AKAP19: variants seen among roughly 807,000 people sequenced by gnomAD.
AKAP19 encodes A-kinase anchoring protein 19, also known as small A-kinase anchoring protein.
the AKAP19 span, among the ~76,000 whole-genome samples, chr2:189,982,108 G>A: frequency 1.3e-5 from 2 of 151,946 alleles, no homozygotes; most frequent in African/African-American, 4.8e-5. Context: ...TTTTGAAGTT[G>A]TTTTCTAGCT....
chr2:189,923,369 C>T, the AKAP19 span: 7 of 1,612,498 alleles, frequency 4.3e-6, no homozygotes, highest in African/African-American at 1.3e-5. Context: ...GACAGATCCT[C>T]GTTCCATGAA....
the AKAP19 span, chr2:190,060,024 A>C: frequency 5.0e-6 from 8 of 1,588,100 alleles, no homozygotes; most frequent in African/African-American, 9.4e-5. Context: ...GAATAAAAAC[A>C]TAAGGTTATT....
At chr2:190,166,535 T>C in the AKAP19 span, among the ~76,000 whole-genome samples, 1 of 151,934 alleles carries the variant, frequency 6.6e-6, no homozygotes, top group African/African-American at 2.4e-5. Context: ...AGAAAATACA[T>C]GTGCAAACCA....
the AKAP19 span, among the ~76,000 whole-genome samples, chr2:190,131,747 A>C: frequency 6.6e-6 from 1 of 152,198 alleles, no homozygotes; most frequent in African/African-American, 2.4e-5. Context: ...GTGGGATAGT[A>C]TCAGAATTAA....
the AKAP19 span, among the ~76,000 whole-genome samples, chr2:189,929,044 G>A: frequency 3.0e-4 from 45 of 152,230 alleles, no homozygotes; most frequent in African/African-American, 1.0e-3. Context: ...TTAAATGGAA[G>A]AAAAAATGGA....
At chr2:190,175,622 A>G in the AKAP19 span, among the ~76,000 whole-genome samples, 1 of 152,186 alleles carries the variant, frequency 6.6e-6, no homozygotes, top group East Asian at 1.9e-4. Context: ...TTTTTTCTTC[A>G]GGAGTGAGAA....
the AKAP19 span, among the ~76,000 whole-genome samples, chr2:190,027,476 G>A: frequency 6.6e-6 from 1 of 152,082 alleles, no homozygotes; most frequent in Non-Finnish European, 1.5e-5. Context: ...ATTTAAAGTG[G>A]CATTCTTATT....
the AKAP19 span, among the ~76,000 whole-genome samples, chr2:189,923,002 T>G: frequency 1.3e-5 from 2 of 151,994 alleles, no homozygotes; most frequent in Non-Finnish European, 2.9e-5. Flanking sequence ...ATACAAAAAA[T>G]TAGCCGGGTA....
chr2:190,081,465 A>T, the AKAP19 span, among the ~76,000 whole-genome samples: 5 of 152,146 alleles, frequency 3.3e-5, no homozygotes, highest in South Asian at 4.2e-4. Flanking sequence ...TCCCCTGAAA[A>T]TTATTTACTC....
At chr2:190,107,405 A>C in the AKAP19 span, among the ~76,000 whole-genome samples, 1 of 151,992 alleles carries the variant, frequency 6.6e-6, no homozygotes, top group East Asian at 1.9e-4. Context: ...TTTTCATTCA[A>C]GTTGTGATTC....
At chr2:190,149,860 A>G in the AKAP19 span, among the ~76,000 whole-genome samples, 1 of 152,112 alleles carries the variant, frequency 6.6e-6, no homozygotes, top group African/African-American at 2.4e-5. Context: ...TTTTAAATCC[A>G]CTGTTTCTTT....
the AKAP19 span, among the ~76,000 whole-genome samples, chr2:189,950,986 G>C: frequency 2.0e-5 from 3 of 152,046 alleles, no homozygotes; most frequent in Non-Finnish European, 4.4e-5. Flanking sequence ...GTTGGGGTGG[G>C]GGTAGTAGCA....
chr2:190,192,668 A>T, the AKAP19 span, among the ~76,000 whole-genome samples: 1 of 152,044 alleles, frequency 6.6e-6, no homozygotes, highest in Non-Finnish European at 1.5e-5. Context: ...CTGTTTGTTT[A>T]GGTTCTTTAC....
the AKAP19 span, among the ~76,000 whole-genome samples, chr2:190,121,775 A>G: frequency 6.6e-6 from 1 of 152,208 alleles, no homozygotes; most frequent in African/African-American, 2.4e-5. Context: ...TGGGAATTTT[A>G]AGACCCAAGA....
the AKAP19 span, among the ~76,000 whole-genome samples, chr2:190,145,829 G>A: frequency 5.9e-5 from 1 of 16,914 alleles, no homozygotes; most frequent in Non-Finnish European, 4.5e-4. Context: ...ATATATATAT[G>A]TATATGTATG....
the AKAP19 span, among the ~76,000 whole-genome samples, chr2:190,091,398 T>G: frequency 1.3e-5 from 2 of 152,214 alleles, no homozygotes; most frequent in Admixed American, 6.5e-5. Flanking sequence ...CTAGGATACT[T>G]TGATAATAAC....
At chr2:190,103,549 T>C in the AKAP19 span, among the ~76,000 whole-genome samples, 3 of 152,178 alleles carry the variant, frequency 2.0e-5, no homozygotes, top group African/African-American at 7.2e-5. Context: ...CCAATATTGT[T>C]CAGGCTGAAA....
chr2:190,110,594 G>A, the AKAP19 span, among the ~76,000 whole-genome samples: 1 of 152,196 alleles, frequency 6.6e-6, no homozygotes, highest in Non-Finnish European at 1.5e-5. Flanking sequence ...AATAAATTCA[G>A]TTGTAGATAA....
the AKAP19 span, among the ~76,000 whole-genome samples, chr2:190,171,717 A>G: frequency 6.6e-6 from 1 of 152,204 alleles, no homozygotes; most frequent in Non-Finnish European, 1.5e-5. Flanking sequence ...ATTAAGTTTT[A>G]AGAGCTTCAG....
Sources: gnomAD v4.1 joint callset for allele counts (sites outside exome capture counted in the v4.1 genomes callset) on GRCh38, gnomAD v4.1.1 for gene constraint, MANE v1.5 for transcripts, NCBI Gene and HGNC (gene_info 2026-07-23, HGNC 2026-07-21) for gene names.